The following PFKM variants were observed in gnomAD, a reference collection of about 807,000 sequenced individuals.
PFKM encodes phosphofructokinase, muscle.
PFKM carries 58 observed loss-of-function variants against 95.5 expected under a neutral mutation model. The observed-to-expected ratio is 0.61, with a 90% CI of 0.49 to 0.76. The LOEUF is 0.76. Among genes scored for constraint, PFKM ranks in the 30% least tolerant of loss-of-function variants. The pLI is 0.00. For missense variants in PFKM, 678 were observed against 1,005.4 expected (o/e 0.67, Z 4.40); for synonymous variants, 336 against 357.2 (o/e 0.94, Z 0.67).
rs1565891545 is a variant in PFKM, at chr12:48,134,976, A to G, written c.781A>G (p.Ile261Val). 6.2e-7 allele frequency: 1 copy of G among 1,614,050 alleles called. No individual in the cohort carries two copies. Among genetic ancestry groups the G allele is most frequent in the Middle Eastern group, 1.6e-4 (1 of 6,062 alleles). The change falls in exon 9 of 23, where the codon ATT becomes GTT. Residue 261 changes from isoleucine (I) to valine (V), a missense_variant. By Grantham distance (29) the Ile-to-Val change is conservative (BLOSUM62 3). Transcript: ENST00000359794. ...RTRGSRLNII[I>V]VAEGAIDKNG... ...CCGTGGTTCTCGTCTCAACATCATC[A>G]TTGTGGCTGAGGGTGCAATTGACAA...
intron 2 of PFKM, among the ~76,000 whole-genome samples, chr12:48,126,332 G>A (rs1280826847): frequency 1.3e-5 from 2 of 152,102 alleles, no homozygotes; most frequent in African/African-American, 4.8e-5. Context: ...CAAAGTTTGT[G>A]ATTTTTAGGG....
intron 3 of PFKM, among the ~76,000 whole-genome samples, chr12:48,113,165 C>T (rs900172734): frequency 7.2e-5 from 11 of 152,132 alleles, no homozygotes; most frequent in Non-Finnish European, 1.5e-4. Context: ...AGAGTATTGT[C>T]CAAGTTGTCA....
intron 17 of PFKM, 58 bp from the exon 18 acceptor site, chr12:48,142,724 G>A: frequency 1.4e-6 from 2 of 1,456,612 alleles, no homozygotes; most frequent in Non-Finnish European, 1.9e-6. Context: ...AGATTAAAGA[G>A]TGATAAGAAT....
chr12:48,131,399 T>G lies in PFKM; in HGVS notation c.237+6T>G. On this transcript the variant is annotated splice_donor_region_variant and intron_variant, in intron 4 of 22. Transcript: ENST00000359794. The stretch of plus-strand genomic sequence containing the variant: ...TTTCGATGATGCTTCAGCTGGTATG[T>G]TCCAGAGAACTCCCTGTCCCATATT... 1 of 1,603,554 alleles carries G rather than the reference T, an allele frequency of 6.2e-7. No homozygotes were observed. Among genetic ancestry groups the G allele is most frequent in the South Asian group, 1.1e-5 (1 of 90,842 alleles).
chr12:48,106,131 T>C (rs1182190722), exon 1 of PFKM: 6 of 700,686 alleles, frequency 8.6e-6, no homozygotes, highest in Non-Finnish European at 1.6e-5. Flanking sequence ...ACCGGAAGAG[T>C]CGCTAGGTGG....
chr12:48,125,737 G>A lies in PFKM; in HGVS notation c.85+2878G>A, dbSNP rs60612567. On this transcript the variant is annotated intron_variant, in intron 2 of 22. Coordinates refer to ENST00000359794, the MANE Select transcript of PFKM (RefSeq NM_000289.6). Reference sequence around the variant, plus strand: ...GCCTCTCAAGTAGCTGAGACCACAGGCCATGTGCCACCACACCTGGCCTTT... The same window carrying A: ...GCCTCTCAAGTAGCTGAGACCACAGACCATGTGCCACCACACCTGGCCTTT... Among the ~76,000 whole-genome samples, 1,100 of 152,092 alleles carry A rather than the reference G, an allele frequency of 7.2e-3. 19 individuals are homozygous for A. The highest frequency in any genetic ancestry group is 0.025 in the African/African-American group (1,047 of 41,484).
intron 10 of PFKM, among the ~76,000 whole-genome samples, chr12:48,137,052 C>G (rs1950165759): frequency 6.8e-6 from 1 of 146,026 alleles, no homozygotes; most frequent in Admixed American, 6.9e-5. Context: ...CTGGGCCCAG[C>G]CTTTTTTTTT....
At position 48,145,567 on chromosome 12, in the gene PFKM, T is replaced by G. The variant is rs761375720; in HGVS notation, c.2202T>G (p.His734Gln). 1 of 1,614,118 alleles carries G rather than the reference T, an allele frequency of 6.2e-7. No individual in the cohort carries two copies. The highest frequency in any genetic ancestry group is 1.1e-5 in the South Asian group (1 of 91,082). The change falls in exon 23 of 23, where the codon CAT (histidine) becomes CAG (glutamine). Residue 734 changes from histidine to glutamine, a missense_variant. His to Gln is a conservative substitution (Grantham distance 24). Coordinates refer to ENST00000359794, the MANE Select transcript of PFKM (RefSeq NM_000289.6). This position sits in a 1 kb window ranked among gnomAD's most constrained non-coding sequence, Gnocchi z 4.3. ...AELKDQTDFEHRIPKEQWWLK... is the reference protein window; with the variant it reads ...AELKDQTDFEQRIPKEQWWLK... Reference sequence around the variant, plus strand: ...CATCTACCTCATTCCTCTGTAGGCATCGAATCCCCAAGGAACAGTGGTGGC... The same window carrying G: ...CATCTACCTCATTCCTCTGTAGGCAGCGAATCCCCAAGGAACAGTGGTGGC...
intron 2 of PFKM, among the ~76,000 whole-genome samples, 175 bp downstream of exon 2, chr12:48,123,034 A>T (rs1456148079): frequency 1.3e-5 from 2 of 152,178 alleles, no homozygotes; most frequent in Non-Finnish European, 2.9e-5. Context: ...CCATGCGTTT[A>T]TTTACCCACA....
chr12:48,125,711 A>G (rs1948769029), intron 2 of PFKM: 1 of 157,640 alleles, frequency 6.3e-6, no homozygotes, highest in African/African-American at 2.4e-5. Flanking sequence ...CTCTTGCCTC[A>G]GCCTCTCAAG....
chr12:48,117,996 A>G (rs1947826895), upstream of PFKM, among the ~76,000 whole-genome samples: 1 of 152,226 alleles, frequency 6.6e-6, no homozygotes, highest in Non-Finnish European at 1.5e-5. Context: ...TTGTCCAAAG[A>G]CTTAATAGAA....
Position 48,139,866 on chromosome 12 carries a change from G to T in PFKM, c.1145G>T (p.Trp382Leu), listed in dbSNP as rs760569139. 1.2e-6 allele frequency: 2 copies of T among 1,611,880 alleles called. No homozygotes were observed. Among genetic ancestry groups the T allele is most frequent in the Non-Finnish European group, 1.7e-6 (2 of 1,177,952 alleles). The change falls in exon 13 of 23, where the codon TGG becomes TTG. Residue 382 changes from tryptophan to leucine, a missense_variant. Coordinates refer to ENST00000359794, the MANE Select transcript of PFKM (RefSeq NM_000289.6). The part of the protein sequence containing the change: ...KLRGRSFMNN[W>L]EVYKLLAHVR... ...TCCTACAGGAGCTTCATGAACAACT[G>T]GGAGGTGTACAAGCTTCTAGCTCAT... is the stretch of plus-strand genomic sequence containing the variant.
At chr12:48,127,969 A>C (rs907100194) in intron 2 of PFKM, among the ~76,000 whole-genome samples, 3 of 152,238 alleles carry the variant, frequency 2.0e-5, no homozygotes, top group Non-Finnish European at 4.4e-5. Flanking sequence ...CAAACTTCTC[A>C]TGGCACATAG....
upstream of PFKM, chr12:48,119,201 G>A: frequency 1.2e-6 from 1 of 818,834 alleles, no homozygotes; most frequent in Non-Finnish European, 1.5e-6. Context: ...GTACTTAGGG[G>A]GAGGAGGAAG....
At chr12:48,132,009 C>CT (rs1464483764) in intron 4 of PFKM, 2 of 455,832 alleles carry the variant, frequency 4.4e-6, no homozygotes, top group South Asian at 3.1e-5. Context: ...TTGTATCCCC[C>CT]TTTTTTCAGC....
chr12:48,133,686 A>G (rs1014780838), intron 6 of PFKM, among the ~76,000 whole-genome samples: 13 of 152,336 alleles, frequency 8.5e-5, no homozygotes, highest in Admixed American at 5.2e-4. Context: ...GTCTTTTGCC[A>G]CTGTCTGGCC....
intron 3 of PFKM, 121 bp from the exon 4 acceptor site, chr12:48,131,195 G>T: frequency 2.6e-6 from 2 of 756,388 alleles, no homozygotes; most frequent in Non-Finnish European, 4.9e-6. Flanking sequence ...CGAGCATCCA[G>T]GACTCACTAA....
chr12:48,113,108 A>T (rs1947352848), intron 3 of PFKM, among the ~76,000 whole-genome samples: 1 of 152,180 alleles, frequency 6.6e-6, no homozygotes, highest in East Asian at 1.9e-4. Flanking sequence ...GCCTTGACCT[A>T]ACAAGGGAAC....
chr12:48,141,921 CA>C lies in PFKM; in HGVS notation c.1509del (p.Gly505AlafsTer4). On this transcript the variant is annotated frameshift_variant, in exon 17 of 23. Coordinates refer to ENST00000359794, the MANE Select transcript of PFKM (RefSeq NM_000289.6). LOFTEE classifies it high-confidence loss of function. ...LVIIGGFEAY[T>X]GGLELMEGRK... ...GTGCTCTCTTCTTCTTAGGCTTACA[CA>C]GGGGGCCTGGAACTGATGGAGGGCA... The C allele has an allele frequency of 6.2e-7, 1 of 1,614,120 alleles. No individual in the cohort carries two copies. The highest frequency in any genetic ancestry group is 1.6e-4 in the Middle Eastern group (1 of 6,062).
Sources: gnomAD v4.1 joint callset for allele counts (sites outside exome capture counted in the v4.1 genomes callset) on GRCh38, gnomAD v4.1.1 for gene constraint, Gnocchi (gnomAD v3.1) non-coding constraint, MANE v1.5 for transcripts, NCBI Gene and HGNC (gene_info 2026-07-23, HGNC 2026-07-21) for gene names.